TMEM62: variants seen among roughly 807,000 people sequenced by gnomAD.
TMEM62 encodes transmembrane protein 62.
TMEM62 carries 41 observed loss-of-function variants against 70.4 expected under a neutral mutation model. The observed-to-expected ratio is 0.58, with a 90% CI of 0.45 to 0.76. The LOEUF is 0.76. Among genes scored for constraint, TMEM62 ranks in the 30% least tolerant of loss-of-function variants. The pLI, the probability that TMEM62 is intolerant of heterozygous loss-of-function variation, is 0.00. For missense variants in TMEM62, 688 were observed against 788.5 expected (o/e 0.87, Z 1.53); for synonymous variants, 268 against 291.0 (o/e 0.92, Z 0.80).
intron 4 of TMEM62, among the ~76,000 whole-genome samples, chr15:43,141,583 C>T (rs568220947): frequency 1.4e-3 from 215 of 152,328 alleles, no homozygotes; most frequent in African/African-American, 5.1e-3. Flanking sequence ...AGTATTCATT[C>T]TATAGCCAAT....
chr15:43,184,894 G>A lies in TMEM62; in HGVS notation c.*308G>A, dbSNP rs2041748049. ...AGGGTAGAGGTTGGGTGTGTGTACG[G>A]GAGTGTCTGAGGCCCAGTGTGTTTT... is the stretch of plus-strand genomic sequence containing the variant. On this transcript the variant is annotated 3_prime_UTR_variant, in exon 14 of 14. Coordinates refer to ENST00000260403, the MANE Select transcript of TMEM62 (RefSeq NM_024956.4). The A allele has an allele frequency of 2.5e-6, 1 of 399,640 alleles. No homozygotes were observed. Among genetic ancestry groups the A allele is most frequent in the African/African-American group, 2.0e-5 (1 of 49,778 alleles). 24.8% of individuals were successfully genotyped at this position (399,640 alleles called of 1,614,324 possible). A position where few individuals can be genotyped will look rare whatever the true frequency, so the allele number is the denominator to read the frequency against.
At chr15:43,164,451 CTT>C (rs943352342) in intron 10 of TMEM62, among the ~76,000 whole-genome samples, 23 of 134,712 alleles carry the variant, frequency 1.7e-4, no homozygotes, top group Admixed American at 2.9e-4. Context: ...TTTTTCTTTT[CTT>C]TTTTTTTTTT....
Position 43,133,669 on chromosome 15 carries a change from C to A in TMEM62, c.-134C>A. On this transcript the variant is annotated 5_prime_UTR_variant, in exon 1 of 14. Transcript: ENST00000260403. ...GGCCCAGTGTCTGGCTCCAGCCCCG[C>A]ATCCGGCGCCGGCCCCGCATCCAGC... 1.6e-6 allele frequency: 1 copy of A among 607,268 alleles called. No individual in the cohort carries two copies. Among genetic ancestry groups the A allele is most frequent in the Non-Finnish European group, 2.4e-6 (1 of 417,166 alleles). 37.6% of individuals were successfully genotyped at this position (607,268 alleles called of 1,614,324 possible).
intron 13 of TMEM62, among the ~76,000 whole-genome samples, chr15:43,182,515 A>G (rs1445885576): frequency 6.8e-6 from 1 of 147,518 alleles, no homozygotes; most frequent in African/African-American, 2.6e-5. Flanking sequence ...GTGCAATGGC[A>G]TCGTCTCGGC....
At chr15:43,144,625 A>G (rs571097549) in intron 4 of TMEM62, among the ~76,000 whole-genome samples, 17 of 152,350 alleles carry the variant, frequency 1.1e-4, no homozygotes, top group Admixed American at 7.8e-4. Flanking sequence ...GGTGACATCA[A>G]TTTGAGGATG....
At position 43,160,724 on chromosome 15, in the gene TMEM62, T is replaced by G; in HGVS notation, c.1226T>G (p.Val409Gly). The G allele has an allele frequency of 6.2e-7, 1 of 1,613,120 alleles. No individual in the cohort carries two copies. Among genetic ancestry groups the G allele is most frequent in the Non-Finnish European group, 8.5e-7 (1 of 1,179,362 alleles). ...AAGAGTGTTCACCACATATTTTCTG[T>G]TCAAGAGAATAATCATCTCAGTTTT... ...RSKSVHHIFS[V>G]QENNHLSFDP... The change falls in exon 10 of 14, where the codon GTT becomes GGT. Residue 409 changes from valine (V) to glycine (G), a missense_variant. Coordinates refer to ENST00000260403, the MANE Select transcript of TMEM62 (RefSeq NM_024956.4).
At chr15:43,176,036 G>T (rs1192204232) in intron 11 of TMEM62, among the ~76,000 whole-genome samples, 5 of 152,218 alleles carry the variant, frequency 3.3e-5, no homozygotes. Flanking sequence ...ATTATATCCC[G>T]CACCTGGCTT....
At chr15:43,135,849 T>G (rs1327289231) in intron 3 of TMEM62, 200 bp downstream of exon 3, 2 of 503,140 alleles carry the variant, frequency 4.0e-6, no homozygotes, top group Admixed American at 3.9e-5. Context: ...ATTGGTATGG[T>G]CCTTTTTTTG....
chr15:43,163,122 A>G (rs2038957561), intron 10 of TMEM62, among the ~76,000 whole-genome samples: 1 of 151,832 alleles, frequency 6.6e-6, no homozygotes, highest in Non-Finnish European at 1.5e-5. Flanking sequence ...CTTTTAGAGA[A>G]GCTATGGTAA....
chr15:43,149,670 C>T (rs968773880), intron 7 of TMEM62, among the ~76,000 whole-genome samples: 12 of 152,230 alleles, frequency 7.9e-5, no homozygotes, highest in Admixed American at 7.8e-4. Flanking sequence ...GATCCACCCG[C>T]CTCGGCCTCC....
intron 8 of TMEM62, among the ~76,000 whole-genome samples, chr15:43,153,418 AC>A (rs1432587068): frequency 6.6e-6 from 1 of 152,158 alleles, no homozygotes; most frequent in Non-Finnish European, 1.5e-5. Context: ...TGAAACTTTT[AC>A]CCATTAAACA....
intron 4 of TMEM62, among the ~76,000 whole-genome samples, chr15:43,144,737 C>T (rs1364056079): frequency 2.0e-5 from 3 of 152,104 alleles, no homozygotes; most frequent in Non-Finnish European, 4.4e-5. Context: ...AGGAAGAGGA[C>T]AGAGATGAAA....
At position 43,160,754 on chromosome 15, in the gene TMEM62, C is replaced by T. The variant is rs906458103; in HGVS notation, c.1256C>T (p.Pro419Leu). The change falls in exon 10 of 14, where the codon CCC (proline) becomes CTC (leucine). Residue 419 changes from proline to leucine, a missense_variant. Physicochemically the swap from Pro to Leu is moderately conservative, Grantham distance 98. Coordinates refer to ENST00000260403, the MANE Select transcript of TMEM62 (RefSeq NM_024956.4). ...VQENNHLSFD[P>L]LASFILRTDH... ...GAGAATAATCATCTCAGTTTTGATC[C>T]CCTGGCATCATTTATTCTCCGTACT... is the stretch of plus-strand genomic sequence containing the variant. 7 of 1,611,672 alleles carry T rather than the reference C, an allele frequency of 4.3e-6. No homozygotes were observed. Among genetic ancestry groups the T allele is most frequent in the Non-Finnish European group, 5.1e-6 (6 of 1,178,518 alleles).
intron 2 of TMEM62, among the ~76,000 whole-genome samples, chr15:43,134,826 T>A (rs2034983596): frequency 6.6e-6 from 1 of 152,230 alleles, no homozygotes; most frequent in Non-Finnish European, 1.5e-5. Flanking sequence ...TCTTCATCCT[T>A]TGATAGTTTT....
Position 43,151,200 on chromosome 15 carries a change from G to C in TMEM62, c.867-590G>C, listed in dbSNP as rs982562682. On this transcript the variant is annotated intron_variant, in intron 7 of 13. Coordinates refer to ENST00000260403, the MANE Select transcript of TMEM62 (RefSeq NM_024956.4). ...ATCTCTGCTAAAAATAGCCAGGTGT[G>C]GTGGCGGGCACCTGTAATCCCAGCT... is the stretch of plus-strand genomic sequence containing the variant. 3.3e-5 allele frequency among the ~76,000 whole-genome samples: 5 copies of C among 152,046 alleles called. No homozygotes were observed. In the South Asian group the frequency reaches 1.0e-3, roughly 32 times the overall value.
At chr15:43,141,487 A>G (rs2036001232) in intron 4 of TMEM62, among the ~76,000 whole-genome samples, 1 of 152,220 alleles carries the variant, frequency 6.6e-6, no homozygotes, top group African/African-American at 2.4e-5. Context: ...CAAAATATCA[A>G]TGGTCATTGA....
At chr15:43,158,126 C>G (rs1567207467) in intron 9 of TMEM62, among the ~76,000 whole-genome samples, 1 of 152,242 alleles carries the variant, frequency 6.6e-6, no homozygotes, top group East Asian at 1.9e-4. Flanking sequence ...TCCCTGTCCC[C>G]TTTAGGTTCT....
chr15:43,161,666 T>TTG (rs1256443429), intron 10 of TMEM62, among the ~76,000 whole-genome samples: 1 of 152,210 alleles, frequency 6.6e-6, no homozygotes, highest in Non-Finnish European at 1.5e-5. Flanking sequence ...TGTTTGTTTT[T>TTG]TGTTTTTTCT....
In TMEM62 at chr15:43,133,706, G is replaced by C. The variant is rs1456232589; in HGVS notation, c.-97G>C. ...GCCCCGCATCCAGCTCTGGCCCTGC[G>C]ACAATAGAGTCCGGAAGTGCAGGCA... On this transcript the variant is annotated 5_prime_UTR_variant, in exon 1 of 14. Coordinates refer to ENST00000260403, the MANE Select transcript of TMEM62 (RefSeq NM_024956.4). 2 of 886,550 alleles carry C rather than the reference G, an allele frequency of 2.3e-6. No individual in the cohort carries two copies. Among genetic ancestry groups the C allele is most frequent in the East Asian group, 3.5e-5 (1 of 28,650 alleles). 54.9% of individuals were successfully genotyped at this position (886,550 alleles called of 1,614,324 possible). A position where few individuals can be genotyped will look rare whatever the true frequency, so the allele number is the denominator to read the frequency against.
Sources: gnomAD v4.1 joint callset for allele counts (sites outside exome capture counted in the v4.1 genomes callset) on GRCh38, gnomAD v4.1.1 for gene constraint, MANE v1.5 for transcripts, NCBI Gene and HGNC (gene_info 2026-07-23, HGNC 2026-07-21) for gene names.